The following ISM2 variants were observed in gnomAD, a reference collection of about 807,000 sequenced individuals.
The protein encoded by ISM2 is isthmin-2.
Under a neutral mutation model 58.0 loss-of-function variants are expected in ISM2, and 50 were observed. That is an observed-to-expected ratio of 0.86 (90% CI 0.69 to 1.09). The LOEUF is 1.09. ISM2 is among the 50% of genes least tolerant of loss of function. The pLI is 0.00. For missense variants in ISM2, 723 were observed against 745.0 expected (o/e 0.97, Z 0.34); for synonymous variants, 303 against 312.4 (o/e 0.97, Z 0.32).
chr14:77,496,083 C>T (rs1408588645), intron 1 of ISM2, among the ~76,000 whole-genome samples: 1 of 150,786 alleles, frequency 6.6e-6, no homozygotes. Context: ...GGCGTGGTGG[C>T]AGGCATCTGT....
At chr14:77,482,197 C>G in intron 4 of ISM2, 125 bp downstream of exon 4, 1 of 634,422 alleles carries the variant, frequency 1.6e-6, no homozygotes, top group South Asian at 2.1e-5. Context: ...GGTGTTTGAA[C>G]AAGGCCTAAG....
chr14:77,498,650 C>T lies in ISM2; in HGVS notation c.141+3G>A. ...TCCGCAGCCCGGTGCCGCCGCCACT[C>T]ACCTCTGCGAGCCTCGTGAGGCTCC... On this transcript the variant is annotated splice_donor_region_variant and intron_variant, in intron 1 of 6. Transcript: ENST00000342219. The T allele has an allele frequency of 6.9e-7, 1 of 1,458,754 alleles. No homozygotes were observed. Among genetic ancestry groups the T allele is most frequent in the East Asian group, 3.0e-5 (1 of 33,712 alleles). The allele number at this position is 1,458,754 out of a possible 1,614,324, so 90.4% of individuals were successfully genotyped here.
chr14:77,496,382 G>A (rs1181169589), intron 1 of ISM2, among the ~76,000 whole-genome samples: 1 of 151,630 alleles, frequency 6.6e-6, no homozygotes, highest in Non-Finnish European at 1.5e-5. Flanking sequence ...TAGCTACTCG[G>A]GAGGCAGAGG....
chr14:77,496,506 G>T (rs556375299), intron 1 of ISM2, among the ~76,000 whole-genome samples: 1 of 151,608 alleles, frequency 6.6e-6, no homozygotes, highest in Non-Finnish European at 1.5e-5. Flanking sequence ...AAAAATAGCC[G>T]GGCGTGGCGG....
intron 1 of ISM2, among the ~76,000 whole-genome samples, chr14:77,485,725 G>A (rs2079163667): frequency 6.6e-6 from 1 of 152,240 alleles, no homozygotes; most frequent in Admixed American, 6.5e-5. Context: ...GCACCTCCCA[G>A]AGCTGCCTTA....
At chr14:77,496,464 G>A (rs2079241322) in intron 1 of ISM2, among the ~76,000 whole-genome samples, 1 of 150,260 alleles carries the variant, frequency 6.7e-6, no homozygotes. Context: ...CTCCAGTCTG[G>A]GCAACAAGAG....
chr14:77,485,313 G>A (rs1167770736), intron 1 of ISM2, among the ~76,000 whole-genome samples: 1 of 152,226 alleles, frequency 6.6e-6, no homozygotes, highest in Non-Finnish European at 1.5e-5. Flanking sequence ...ACAGGCCAGA[G>A]GAGAAAGGCC....
At chr14:77,484,248 T>C in intron 3 of ISM2, 75 bp downstream of exon 3, 1 of 1,550,250 alleles carries the variant, frequency 6.5e-7, no homozygotes, top group Non-Finnish European at 8.7e-7. Flanking sequence ...GGATATAGGG[T>C]ATCCTGAGCC....
At chr14:77,476,390 G>A (rs1406199069) in intron 6 of ISM2, among the ~76,000 whole-genome samples, 1 of 152,234 alleles carries the variant, frequency 6.6e-6, no homozygotes, top group Non-Finnish European at 1.5e-5. Flanking sequence ...GCTGAATGGT[G>A]GGAAAGGTTT....
intron 1 of ISM2, among the ~76,000 whole-genome samples, chr14:77,493,498 G>T (rs1191244190): frequency 2.6e-5 from 4 of 152,144 alleles, no homozygotes; most frequent in Non-Finnish European, 4.4e-5. Flanking sequence ...GTCTTGCTCT[G>T]TCACCCAGGC....
intron 1 of ISM2, among the ~76,000 whole-genome samples, chr14:77,495,256 G>GA (rs1435953167): frequency 6.6e-6 from 1 of 152,114 alleles, no homozygotes; most frequent in Middle Eastern, 3.2e-3. Context: ...ACTGGGACCA[G>GA]AACTCCAAGG....
At chr14:77,495,959 G>T (rs1386872632) in intron 1 of ISM2, among the ~76,000 whole-genome samples, 1 of 151,518 alleles carries the variant, frequency 6.6e-6, no homozygotes, top group East Asian at 1.9e-4. Context: ...ACACCTGTAA[G>T]CCCAGTACTT....
At chr14:77,482,875 C>G (rs1826430401) in intron 3 of ISM2, 1 of 487,534 alleles carries the variant, frequency 2.1e-6, no homozygotes, top group Non-Finnish European at 3.6e-6. Context: ...GCATTAGAAT[C>G]ACCTGGGGAC....
At chr14:77,492,982 C>T (rs986019996) in intron 1 of ISM2, among the ~76,000 whole-genome samples, 1 of 151,338 alleles carries the variant, frequency 6.6e-6, no homozygotes, top group Non-Finnish European at 1.5e-5. Context: ...GCAACAAGAG[C>T]GAAACTTCAT....
At chr14:77,479,053 C>T (rs1167854048) in intron 4 of ISM2, among the ~76,000 whole-genome samples, 1 of 152,142 alleles carries the variant, frequency 6.6e-6, no homozygotes, top group Non-Finnish European at 1.5e-5. Context: ...CCCCCTACAT[C>T]TCTGAGCTAT....
At chr14:77,483,643 C>CGTGTGT (rs148280012) in intron 3 of ISM2, among the ~76,000 whole-genome samples, 3 of 149,268 alleles carry the variant, frequency 2.0e-5, no homozygotes, top group African/African-American at 7.4e-5. Context: ...TGCGTGTGTG[C>CGTGTGT]GTGTGTGTGT....
At position 77,476,041 on chromosome 14, in the gene ISM2, G is replaced by A. The variant is rs765229490; in HGVS notation, c.1270C>T (p.Arg424Trp). 1.0e-5 allele frequency: 16 copies of A among 1,557,176 alleles called. No individual in the cohort carries two copies. In the Middle Eastern group the frequency reaches 5.1e-4, roughly 50 times the overall value. ...FLIKYLSQML[R>W]DLPSCPCAYP... ...GCACACGGGCAGCTGGGCAGGTCCC[G>A]CAGCATCTGGCTCAGATACTTGATT... Residue 424 changes from arginine to tryptophan, a missense_variant, in exon 7 of 7, where the codon CGG (arginine) becomes TGG (tryptophan). By Grantham distance (101) the Arg-to-Trp change is moderately radical. Transcript: ENST00000342219.
At chr14:77,492,740 G>A (rs1341163421) in intron 1 of ISM2, among the ~76,000 whole-genome samples, 1 of 152,050 alleles carries the variant, frequency 6.6e-6, no homozygotes, top group Non-Finnish European at 1.5e-5. Flanking sequence ...AGACATGGTG[G>A]CTCGCGCCTG....
rs774907663 is a variant in ISM2, at chr14:77,478,700, T to C, written c.989A>G (p.Lys330Arg). The change falls in exon 5 of 7, where the codon AAG (lysine) becomes AGG (arginine). Residue 330 changes from lysine (K) to arginine (R), a missense_variant. Physicochemically the swap from Lys to Arg is conservative, Grantham distance 26 (BLOSUM62 2). Transcript: ENST00000342219. ...GCAGGGAGACCAGGGACTCCACTCC[T>C]TCTGAGGCTCATAGTCTGGGTTAAG... is the stretch of plus-strand genomic sequence containing the variant. Reference protein sequence around the residue: ...DSVSYDYEPQKEWSPWSPCSG... With the variant: ...DSVSYDYEPQREWSPWSPCSG... 2.5e-6 allele frequency: 4 copies of C among 1,612,516 alleles called. No homozygotes were observed. The highest frequency in any genetic ancestry group is 1.7e-4 in the Middle Eastern group (1 of 6,056).
Sources: gnomAD v4.1 joint callset for allele counts (sites outside exome capture counted in the v4.1 genomes callset) on GRCh38, gnomAD v4.1.1 for gene constraint, MANE v1.5 for transcripts, NCBI Gene and HGNC (gene_info 2026-07-23, HGNC 2026-07-21) for gene names.